Variants in TNIK observed in about 807,000 individuals in gnomAD.
The protein encoded by TNIK is TRAF2 and NCK interacting kinase.
TNIK carries 49 observed loss-of-function variants against 191.3 expected under a neutral mutation model. That is an observed-to-expected ratio of 0.26 (90% confidence interval 0.20 to 0.32). The LOEUF (loss-of-function observed/expected upper bound fraction) is 0.32. Ranked by LOEUF, TNIK falls within the 10% of genes least tolerant of loss-of-function variation. The pLI is 1.00. For synonymous variants in TNIK, 594 were observed against 600.9 expected, an observed-to-expected ratio of 0.99 and a Z score of 0.17; for missense variants, 1,155 against 1,702.3, an observed-to-expected ratio of 0.68 and a Z score of 5.66.
At chr3:171,082,226 G>A in intron 27 of TNIK, 25 bp downstream of exon 27, 5 of 1,607,374 alleles carry the variant, frequency 3.1e-6, no homozygotes, top group Non-Finnish European at 4.2e-6. Flanking sequence ...ATGGACCTGG[G>A]GGACTCATCA....
chr3:171,281,200 G>T (rs1030688706), intron 2 of TNIK, among the ~76,000 whole-genome samples: 24 of 151,904 alleles, frequency 1.6e-4, no homozygotes, highest in African/African-American at 5.8e-4. Flanking sequence ...AAAAAAAATG[G>T]CAGTCTGAAG....
At chr3:171,126,525 G>A (rs1175663860) in intron 16 of TNIK, among the ~76,000 whole-genome samples, 10 of 152,086 alleles carry the variant, frequency 6.6e-5, no homozygotes, top group Non-Finnish European at 1.3e-4. Context: ...TACATTAGAG[G>A]GTGTTGCTCT....
At chr3:171,194,034 G>A (rs1485388855) in intron 5 of TNIK, among the ~76,000 whole-genome samples, 3 of 152,116 alleles carry the variant, frequency 2.0e-5, no homozygotes, top group East Asian at 1.9e-4. Flanking sequence ...GGTTAAACTA[G>A]GTTGTATGTA....
chr3:171,439,026 A>T (rs1326367622), intron 1 of TNIK, among the ~76,000 whole-genome samples: 1 of 152,216 alleles, frequency 6.6e-6, no homozygotes, highest in African/African-American at 2.4e-5. Context: ...AAGCAGCAAT[A>T]GCACAATGCT....
chr3:171,309,827 A>G (rs751758921), intron 2 of TNIK, among the ~76,000 whole-genome samples: 1 of 152,138 alleles, frequency 6.6e-6, no homozygotes, highest in Non-Finnish European at 1.5e-5. Context: ...AAACATCCTT[A>G]AACTATTTTT....
Position 171,175,196 on chromosome 3 carries a change from A to T in TNIK, c.773+56T>A, listed in dbSNP as rs1735817809. The T allele has an allele frequency of 2.3e-5, 35 of 1,529,694 alleles. No homozygotes were observed. In the South Asian group the frequency reaches 4.0e-4, roughly 18 times the overall value. 94.8% of individuals were successfully genotyped at this position (1,529,694 alleles called of 1,614,324 possible). On this transcript the variant is annotated intron_variant, in intron 9 of 32. Coordinates refer to ENST00000436636, the MANE Select transcript of TNIK (RefSeq NM_015028.4). ...CTAGGGATTAGAGCTAATCCAAAATAGAATCACAAGAAAACCTCACCCTTA... is the reference window on the plus strand; with the variant it reads ...CTAGGGATTAGAGCTAATCCAAAATTGAATCACAAGAAAACCTCACCCTTA...
At chr3:171,398,292 C>T (rs1257472522) in intron 1 of TNIK, among the ~76,000 whole-genome samples, 2 of 152,108 alleles carry the variant, frequency 1.3e-5, no homozygotes, top group Admixed American at 6.6e-5. Context: ...AATATTTTCC[C>T]CAAAGAGGTG....
rs561037273 is a variant in TNIK, at chr3:171,344,933, G to GTA, written c.123+24685_123+24686dup. 1.1e-4 allele frequency among the ~76,000 whole-genome samples: 16 copies of GTA among 151,988 alleles called. 1 individual carries two copies. In the South Asian group the frequency reaches 1.2e-3, roughly 12 times the overall value. ...AGCTGCCGAGATTAATAACTCATTTGTATATATATATCATCTACTTTGGCC... is the reference window on the plus strand; with the variant it reads ...AGCTGCCGAGATTAATAACTCATTTGTATATATATATATCATCTACTTTGGCC... On this transcript the variant is annotated intron_variant, in intron 2 of 32. Coordinates refer to ENST00000436636, the MANE Select transcript of TNIK (RefSeq NM_015028.4).
At chr3:171,360,471 T>C (rs1714811127) in intron 2 of TNIK, among the ~76,000 whole-genome samples, 2 of 152,230 alleles carry the variant, frequency 1.3e-5, no homozygotes, top group Admixed American at 6.5e-5. Flanking sequence ...AAGGATGTCA[T>C]ATCTAGAAGG....
chr3:171,198,135 A>G (rs185602905), intron 4 of TNIK, among the ~76,000 whole-genome samples: 3 of 152,252 alleles, frequency 2.0e-5, no homozygotes, highest in Non-Finnish European at 4.4e-5. Flanking sequence ...CACGTAAAAC[A>G]TTATGCTAAG....
intron 21 of TNIK, among the ~76,000 whole-genome samples, chr3:171,102,272 T>G (rs1450942702): frequency 2.0e-5 from 3 of 152,178 alleles, no homozygotes. Flanking sequence ...AAGAGTTCTC[T>G]TCCAAAATGA....
intron 18 of TNIK, among the ~76,000 whole-genome samples, chr3:171,113,741 C>A (rs1031294100): frequency 3.3e-5 from 5 of 151,826 alleles, no homozygotes; most frequent in Admixed American, 2.0e-4. Flanking sequence ...TTCATTCACT[C>A]AGTTATTCTA....
chr3:171,138,443 G>A (rs1426111790), intron 14 of TNIK, 64 bp from the exon 15 acceptor site: 3 of 1,416,350 alleles, frequency 2.1e-6, no homozygotes, highest in South Asian at 1.6e-5. Context: ...TCATCGGCCA[G>A]TACCAGATAA....
chr3:171,218,824 A>C (rs1741795419), intron 3 of TNIK, among the ~76,000 whole-genome samples: 1 of 139,756 alleles, frequency 7.2e-6, no homozygotes, highest in Admixed American at 7.5e-5. Context: ...ATTTTTATAT[A>C]TTATAAATAT....
At chr3:171,410,032 T>A (rs1722183972) in intron 1 of TNIK, among the ~76,000 whole-genome samples, 1 of 152,044 alleles carries the variant, frequency 6.6e-6, no homozygotes, top group Non-Finnish European at 1.5e-5. Flanking sequence ...AAGGCAAAGT[T>A]AAATAAAAAT....
intron 1 of TNIK, among the ~76,000 whole-genome samples, chr3:171,414,877 T>C (rs1040592308): frequency 6.6e-6 from 1 of 152,236 alleles, no homozygotes; most frequent in African/African-American, 2.4e-5. Flanking sequence ...GTTGAAACTC[T>C]GTTTTTAAAC....
chr3:171,346,241 A>G (rs2108420725), intron 2 of TNIK, among the ~76,000 whole-genome samples: 1 of 152,306 alleles, frequency 6.6e-6, no homozygotes, highest in South Asian at 2.1e-4. Flanking sequence ...TCTATGCAGA[A>G]TTGAGTCACT....
At chr3:171,218,950 T>G (rs1560278346) in intron 3 of TNIK, among the ~76,000 whole-genome samples, 1 of 131,186 alleles carries the variant, frequency 7.6e-6, no homozygotes, top group Admixed American at 8.4e-5. Context: ...ATTTAATATA[T>G]AATAAATATT....
chr3:171,079,381 T>C, intron 28 of TNIK, 137 bp downstream of exon 28: 1 of 1,000,494 alleles, frequency 1.0e-6, no homozygotes, highest in Non-Finnish European at 1.4e-6. Flanking sequence ...ATATAAATAA[T>C]GCTGAAGGTT....
Sources: gnomAD v4.1 joint callset for allele counts (sites outside exome capture counted in the v4.1 genomes callset) on GRCh38, gnomAD v4.1.1 for gene constraint, MANE v1.5 for transcripts, NCBI Gene and HGNC (gene_info 2026-07-23, HGNC 2026-07-21) for gene names.